DIP2C: variants seen among roughly 807,000 people sequenced by gnomAD.
DIP2C encodes the protein DIP2 acetate--CoA ligase C (putative).
DIP2C carries 33 observed loss-of-function variants against 192.4 expected under a neutral mutation model. The ratio of observed to expected loss-of-function variants is 0.17; its 90% CI spans 0.13 to 0.23. The LOEUF is 0.23. Among genes scored for constraint, DIP2C ranks in the 10% least tolerant of loss-of-function variants. The pLI is 1.00. For synonymous variants in DIP2C, 979 were observed against 864.1 expected (o/e 1.13, Z -2.33); for missense variants, 1,537 against 2,110.1 (o/e 0.73, Z 5.32).
intron 29 of DIP2C, among the ~76,000 whole-genome samples, chr10:333,670 G>A (rs909087355): frequency 2.6e-5 from 4 of 152,248 alleles, no homozygotes; most frequent in Non-Finnish European, 5.9e-5. Context: ...AATGCAGCAA[G>A]TCTGCTTAAT....
chr10:570,623 C>T, intron 1 of DIP2C, among the ~76,000 whole-genome samples: 1 of 152,340 alleles, frequency 6.6e-6, no homozygotes, highest in South Asian at 2.1e-4. Context: ...ACCCGACCTG[C>T]CAGTCACACA....
intron 10 of DIP2C, among the ~76,000 whole-genome samples, chr10:393,072 CCT>C (rs1315897019): frequency 1.3e-5 from 2 of 152,198 alleles, no homozygotes; most frequent in African/African-American, 4.8e-5. Context: ...AGGCCTCAGT[CCT>C]CTGTCCTTGG....
intron 1 of DIP2C, among the ~76,000 whole-genome samples, chr10:495,024 G>A (rs1844713326): frequency 1.3e-5 from 2 of 152,142 alleles, no homozygotes; most frequent in Non-Finnish European, 2.9e-5. Context: ...CATGGTGTAT[G>A]GACAAAACAA....
intron 31 of DIP2C, among the ~76,000 whole-genome samples, chr10:318,686 T>C (rs572042315): frequency 6.6e-6 from 1 of 152,294 alleles, no homozygotes; most frequent in East Asian, 1.9e-4. Context: ...CCAGCGTGGC[T>C]GGGATGCCGT....
chr10:457,129 G>A lies in DIP2C; in HGVS notation c.268+15310C>T, dbSNP rs866017912. On this transcript the variant is annotated intron_variant, in intron 3 of 36. Coordinates refer to ENST00000280886, the MANE Select transcript of DIP2C (RefSeq NM_014974.3). ...ATCTAGGAGGAGTTGCTTATTTTCG[G>A]TTTGTACAGCTTTTTGCTCAAGAGG... Among the ~76,000 whole-genome samples the A allele has an allele frequency of 2.6e-5, 4 of 152,212 alleles. No homozygotes were observed. In the Middle Eastern group the frequency reaches 0.01, roughly 388 times the overall value.
intron 10 of DIP2C, among the ~76,000 whole-genome samples, chr10:391,805 G>T (rs533615946): frequency 6.6e-6 from 1 of 152,320 alleles, no homozygotes; most frequent in East Asian, 1.9e-4. Flanking sequence ...TCAGAGGCCT[G>T]GCTGTGGATC....
intron 34 of DIP2C, among the ~76,000 whole-genome samples, chr10:283,851 G>A (rs1332187250): frequency 6.6e-6 from 1 of 152,020 alleles, no homozygotes; most frequent in Non-Finnish European, 1.5e-5. Flanking sequence ...CATTTCACCT[G>A]GTTAGCTAAT....
At chr10:427,992 T>C (rs948970396) in intron 4 of DIP2C, among the ~76,000 whole-genome samples, 3 of 152,142 alleles carry the variant, frequency 2.0e-5, no homozygotes, top group African/African-American at 4.8e-5. Context: ...AATTGCCGAA[T>C]AGAGGAAAGA....
At chr10:349,112 A>G (rs1564596965) in intron 25 of DIP2C, among the ~76,000 whole-genome samples, 2 of 152,264 alleles carry the variant, frequency 1.3e-5, no homozygotes, top group Non-Finnish European at 2.9e-5. Context: ...CATTGAAAGC[A>G]TCACTTTATT....
At chr10:505,363 G>A (rs867503955) in intron 1 of DIP2C, among the ~76,000 whole-genome samples, 33 of 152,304 alleles carry the variant, frequency 2.2e-4, no homozygotes, top group Middle Eastern at 3.4e-3. Flanking sequence ...TTTGAGGAAC[G>A]GACAGGGGCA....
rs1187747480 is a variant in DIP2C, at chr10:679,141, C to CCACGCCCA, written c.85+10352_85+10353insTGGGCGTG. Among the ~76,000 whole-genome samples, 8 of 8,760 alleles carry CCACGCCCA rather than the reference C, an allele frequency of 9.1e-4. 1 individual carries two copies. The highest frequency in any genetic ancestry group is 1.1e-3 in the African/African-American group (7 of 6,576). 5.7% of individuals were successfully genotyped at this position (8,760 alleles called of 152,430 possible). A position where few individuals can be genotyped will look rare whatever the true frequency, so the allele number is the denominator to read the frequency against. On this transcript the variant is annotated intron_variant, in intron 1 of 36. Coordinates refer to ENST00000280886, the MANE Select transcript of DIP2C (RefSeq NM_014974.3). The stretch of plus-strand genomic sequence containing the variant: ...CCCATGCTCCCCGCACCCATCCTCC[C>CCACGCCCA]TGCGCCCATGCTCCCCGCATCCGTC...
At chr10:368,628 C>A (rs1018666525) in intron 18 of DIP2C, among the ~76,000 whole-genome samples, 4 of 152,224 alleles carry the variant, frequency 2.6e-5, no homozygotes, top group Non-Finnish European at 5.9e-5. Flanking sequence ...CATGAAGGGG[C>A]ATGAGGGGTC....
intron 9 of DIP2C, among the ~76,000 whole-genome samples, chr10:408,192 T>A (rs997257493): frequency 6.6e-6 from 1 of 152,216 alleles, no homozygotes; most frequent in African/African-American, 2.4e-5. Context: ...CACTGTGTGT[T>A]GGAAAGGCTG....
chr10:461,727 T>C (rs1969795240), intron 3 of DIP2C, among the ~76,000 whole-genome samples: 1 of 152,206 alleles, frequency 6.6e-6, no homozygotes, highest in African/African-American at 2.4e-5. Flanking sequence ...CAATAGGATA[T>C]ACCTTCTTCT....
rs148332706 is a variant in DIP2C at position 378,135 on chromosome 10, T to C, written c.1991+4512A>G. On this transcript the variant is annotated intron_variant, in intron 17 of 36. Coordinates refer to ENST00000280886, the MANE Select transcript of DIP2C (RefSeq NM_014974.3). ...TGAGTTTAGGCACCACAAGCCCCTA[T>C]TTCCCCAATATTTTTCTACTCTAAA... Among the ~76,000 whole-genome samples, 43 of 152,282 alleles carry C rather than the reference T, an allele frequency of 2.8e-4. No homozygotes were observed. In the East Asian group the frequency reaches 4.1e-3, roughly 14 times the overall value.
Position 689,528 on chromosome 10 carries a change from C to T in DIP2C, c.51G>A (p.Ala17=), listed in dbSNP as rs142291358. The T allele has an allele frequency of 8.2e-3, 10,667 of 1,298,504 alleles. 591 individuals are homozygous for T. In the African/African-American group the frequency reaches 0.13, roughly 15 times the overall value. 80.4% of individuals were successfully genotyped at this position (1,298,504 alleles called of 1,614,324 possible). ...EGMALPLEVR[A]RLAELELELS... Reference sequence around the variant, plus strand: ...GCTCCAGCTCCAGCTCGGCCAGGCGCGCCCGCACCTCCAGGGGCAGCGCCA... The same window carrying T: ...GCTCCAGCTCCAGCTCGGCCAGGCGTGCCCGCACCTCCAGGGGCAGCGCCA... The change falls in exon 1 of 37, where the codon GCG becomes GCA. Residue 17 remains alanine, a synonymous_variant. Transcript: ENST00000280886. The surrounding 1 kb of genome is among the most constrained non-coding windows in gnomAD (Gnocchi z 6.1).
chr10:293,880 G>A (rs930277792), intron 32 of DIP2C, among the ~76,000 whole-genome samples: 6 of 152,154 alleles, frequency 3.9e-5, no homozygotes, highest in Admixed American at 3.9e-4. Flanking sequence ...GCCCACGGTG[G>A]CCACCACAAA....
rs1487246978 is a variant in DIP2C, at chr10:414,901, TATATA to T, written c.860-796_860-792del. On this transcript the variant is annotated intron_variant, in intron 7 of 36. Coordinates refer to ENST00000280886, the MANE Select transcript of DIP2C (RefSeq NM_014974.3). ...GTGTGTGTGTGTGTGTATATATATA[TATATA>T]TTTTTTTTTTTTTTTGGTAGAGACA... Among the ~76,000 whole-genome samples, 177 of 104,554 alleles carry T rather than the reference TATATA, an allele frequency of 1.7e-3. 5 individuals carry two copies. In the South Asian group the frequency reaches 0.02, roughly 12 times the overall value. 68.6% of individuals were successfully genotyped at this position (104,554 alleles called of 152,430 possible). A position where few individuals can be genotyped will look rare whatever the true frequency, so the allele number is the denominator to read the frequency against.
intron 31 of DIP2C, among the ~76,000 whole-genome samples, chr10:319,426 A>C (rs1956910981): frequency 6.6e-6 from 1 of 152,184 alleles, no homozygotes; most frequent in East Asian, 1.9e-4. Flanking sequence ...TTTCCTAATA[A>C]ATAAACAACC....
Sources: gnomAD v4.1 joint callset for allele counts (sites outside exome capture counted in the v4.1 genomes callset) on GRCh38, gnomAD v4.1.1 for gene constraint, Gnocchi (gnomAD v3.1) non-coding constraint, MANE v1.5 for transcripts, NCBI Gene and HGNC (gene_info 2026-07-23, HGNC 2026-07-21) for gene names.